Variants in EHMT1 observed in about 807,000 individuals in gnomAD.
EHMT1 encodes histone-lysine N-methyltransferase EHMT1.
EHMT1 carries 15 observed loss-of-function variants against 147.2 expected under a neutral mutation model. The ratio of observed to expected loss-of-function variants is 0.10; its 90% CI spans 0.07 to 0.16. The LOEUF (loss-of-function observed/expected upper bound fraction) is 0.16, where lower values mean the gene tolerates loss of function less well. Ranked by LOEUF, EHMT1 falls within the 10% of genes least tolerant of loss-of-function variation. The probability of loss-of-function intolerance (pLI) is 1.00; values close to 1 mark genes in which losing one functional copy is unlikely to be tolerated. For missense variants in EHMT1, 1,587 were observed against 1,772.4 expected, an observed-to-expected ratio of 0.90 and a Z score of 1.88; for synonymous variants, 795 against 709.6, an observed-to-expected ratio of 1.12 and a Z score of -1.91.
chr9:137,669,345 A>AGCACGTGCACTCACTT (rs1564562465), intron 1 of EHMT1, among the ~76,000 whole-genome samples: 1 of 9,076 alleles, frequency 1.1e-4, no homozygotes, highest in Non-Finnish European at 2.0e-4. Flanking sequence ...TGGACCCCAC[A>AGCACGTGCACTCACTT]CCACCCAAGA....
chr9:137,790,828 C>G lies in EHMT1; in HGVS notation c.2383-20C>G. ...CTACCGTCACAGCCCTCCCATACACCTGAACTGTTGTTTCACTAGGCGGGC... is the reference window on the plus strand; with the variant it reads ...CTACCGTCACAGCCCTCCCATACACGTGAACTGTTGTTTCACTAGGCGGGC... On this transcript the variant is annotated intron_variant, in intron 15 of 26. Transcript: ENST00000460843. The G allele has an allele frequency of 6.2e-7, 1 of 1,614,180 alleles. No individual in the cohort carries two copies. Among genetic ancestry groups the G allele is most frequent in the Non-Finnish European group, 8.5e-7 (1 of 1,180,030 alleles).
chr9:137,782,060 C>T lies in EHMT1; in HGVS notation c.2276-231C>T, dbSNP rs1951600345. ...CAGGGTGGTAAAGGGAAGAGCGTGC[C>T]TTGCCGAGTTAGTTCTGACAGAGGG... is the stretch of plus-strand genomic sequence containing the variant. On this transcript the variant is annotated intron_variant, in intron 14 of 26. Transcript: ENST00000460843. The surrounding 1 kb of genome is among the most constrained non-coding windows in gnomAD (Gnocchi z 5.7). 6.6e-6 allele frequency among the ~76,000 whole-genome samples: 1 copy of T among 152,124 alleles called. No individual in the cohort carries two copies. The highest frequency in any genetic ancestry group is 1.5e-5 in the Non-Finnish European group (1 of 68,016).
rs1220385618 is a variant in EHMT1, at chr9:137,731,843, G to A, written c.823+3314G>A. 1.3e-5 allele frequency among the ~76,000 whole-genome samples: 2 copies of A among 152,220 alleles called. No individual in the cohort carries two copies. Among genetic ancestry groups the A allele is most frequent in the Admixed American group, 1.3e-4 (2 of 15,288 alleles). The stretch of plus-strand genomic sequence containing the variant: ...CCACTGTGCACAGCCAGGCCTGCTT[G>A]GCTGCTGTGGTGGGGCAGGCAGCTC... On this transcript the variant is annotated intron_variant, in intron 4 of 26. Coordinates refer to ENST00000460843, the MANE Select transcript of EHMT1 (RefSeq NM_024757.5). This position sits in a 1 kb window ranked among gnomAD's most constrained non-coding sequence, Gnocchi z 4.3.
chr9:137,796,957 C>A (rs1224526035), intron 16 of EHMT1, among the ~76,000 whole-genome samples: 3 of 152,076 alleles, frequency 2.0e-5, no homozygotes, highest in Admixed American at 6.6e-5. Flanking sequence ...CAAGCAGGGC[C>A]TCACACCAGT....
chr9:137,777,020 T>C (rs1951013268), intron 12 of EHMT1, 176 bp downstream of exon 12: 1 of 672,170 alleles, frequency 1.5e-6, no homozygotes, highest in Non-Finnish European at 2.5e-6. Context: ...CATTTGTGCA[T>C]ACGTTGCTCT....
At chr9:137,778,555 ATCTCCCC>A (rs1298210349) in intron 13 of EHMT1, among the ~76,000 whole-genome samples, 6 of 151,994 alleles carry the variant, frequency 3.9e-5, no homozygotes, top group Non-Finnish European at 5.9e-5. Context: ...TCCTCCCTGG[ATCTCCCC>A]TCTGTCTGCC....
At chr9:137,785,495 G>C (rs1008891453) in intron 15 of EHMT1, 1 of 145,572 alleles carries the variant, frequency 6.9e-6, no homozygotes, top group Admixed American at 6.7e-5. Flanking sequence ...ACTGCTGGCT[G>C]TGGAGGCTTC....
intron 1 of EHMT1, among the ~76,000 whole-genome samples, chr9:137,628,363 A>G (rs192880721): frequency 5.8e-4 from 88 of 152,016 alleles, no homozygotes; most frequent in African/African-American, 2.0e-3. Context: ...TCTTTGATTG[A>G]TTTTTGCTAA....
chr9:137,834,272 A>G, intron 25 of EHMT1, 77 bp from the exon 26 acceptor site: 1 of 1,582,916 alleles, frequency 6.3e-7, no homozygotes, highest in East Asian at 2.3e-5. Flanking sequence ...CGGGACTGCC[A>G]TGCATGGCCG....
rs1313402103 is a variant in EHMT1 at position 137,716,835 on chromosome 9, A to G, written c.295A>G (p.Arg99Gly). The G allele has an allele frequency of 1.9e-6, 3 of 1,613,232 alleles. No homozygotes were observed. Among genetic ancestry groups the G allele is most frequent in the South Asian group, 1.1e-5 (1 of 91,090 alleles). Reference sequence around the variant, plus strand: ...GATAGCGGAAAATGGGGTTTCAGAAAGAGACTCAGAAGCGGCGAAGCAAAA... The same window carrying G: ...GATAGCGGAAAATGGGGTTTCAGAAGGAGACTCAGAAGCGGCGAAGCAAAA... ...TRIAENGVSE[R>G]DSEAAKQNHV... Residue 99 changes from arginine to glycine, a missense_variant, in exon 3 of 27, where the codon AGA becomes GGA. Arg to Gly is a moderately radical substitution (Grantham distance 125). This residue lies in a region of EHMT1 where 810 missense variants were observed against 673.0 expected (regional missense o/e 1.20). Transcript: ENST00000460843.
At chr9:137,707,158 C>A (rs1293243672) in intron 1 of EHMT1, among the ~76,000 whole-genome samples, 1 of 152,224 alleles carries the variant, frequency 6.6e-6, no homozygotes, top group Non-Finnish European at 1.5e-5. Context: ...ACTAATTTGT[C>A]CTTAATCTGG....
chr9:137,705,162 A>T (rs1944159859), intron 1 of EHMT1, among the ~76,000 whole-genome samples: 1 of 151,892 alleles, frequency 6.6e-6, no homozygotes, highest in South Asian at 2.1e-4. Flanking sequence ...GCTAATTTTT[A>T]AAAATTGTTT....
rs1953019238 is a variant in EHMT1, at chr9:137,797,027, TA to T, written c.2506-1781del. ...GTGATCTTGAGAATTTAAAAGGGTG[TA>T]AAAACATCATTTATGGATATATGTA... On this transcript the variant is annotated intron_variant, in intron 16 of 26. Transcript: ENST00000460843. 2.0e-5 allele frequency among the ~76,000 whole-genome samples: 3 copies of T among 152,178 alleles called. No homozygotes were observed. The South Asian group carries it at 6.2e-4, about 32-fold the overall frequency.
chr9:137,629,718 C>T lies in EHMT1; in HGVS notation c.21+10669C>T, dbSNP rs540154551. ...CAGTTTTTTGTATTTTTAGTAGAAACGGGGTTTCACCATGTTAGCCAGGCT... is the reference window on the plus strand; with the variant it reads ...CAGTTTTTTGTATTTTTAGTAGAAATGGGGTTTCACCATGTTAGCCAGGCT... On this transcript the variant is annotated intron_variant, in intron 1 of 26. Coordinates refer to ENST00000460843, the MANE Select transcript of EHMT1 (RefSeq NM_024757.5). Among the ~76,000 whole-genome samples the T allele has an allele frequency of 6.0e-5, 9 of 151,220 alleles. No individual in the cohort carries two copies. The South Asian group carries it at 1.5e-3, about 25-fold the overall frequency.
intron 1 of EHMT1, among the ~76,000 whole-genome samples, chr9:137,676,855 C>A (rs1941397535): frequency 6.6e-6 from 1 of 152,174 alleles, no homozygotes; most frequent in South Asian, 2.1e-4. Flanking sequence ...GATGGGGGTC[C>A]TGTAAGCAGG....
At chr9:137,654,488 A>G (rs1450614409) in intron 1 of EHMT1, among the ~76,000 whole-genome samples, 1 of 151,986 alleles carries the variant, frequency 6.6e-6, no homozygotes, top group Non-Finnish European at 1.5e-5. Context: ...TCCTTAGGCC[A>G]GTATCACAGT....
chr9:137,620,353 G>A (rs1262803954), intron 1 of EHMT1, among the ~76,000 whole-genome samples: 1 of 152,122 alleles, frequency 6.6e-6, no homozygotes, highest in Admixed American at 6.6e-5. Flanking sequence ...TAGATCAGGC[G>A]CCTCCCTCGG....
chr9:137,813,083 A>C lies in EHMT1; in HGVS notation c.2945A>C (p.Asn982Thr), dbSNP rs141891925. 6.2e-7 allele frequency: 1 copy of C among 1,613,718 alleles called. No homozygotes were observed. Among genetic ancestry groups the C allele is most frequent in the Non-Finnish European group, 8.5e-7 (1 of 1,179,984 alleles). Residue 982 changes from asparagine to threonine, a missense_variant, in exon 20 of 27, where the codon AAC becomes ACC. Physicochemically the swap from Asn to Thr is moderately conservative, Grantham distance 65. Transcript: ENST00000460843. This position sits in a 1 kb window ranked among gnomAD's most constrained non-coding sequence, Gnocchi z 4.9. ...GETPLQCASL[N>T]SQVWSALQMS... ...ACGCCCCTGCAGTGTGCGAGCCTCA[A>C]CTCTCAGGTGTGGAGCGCTCTGCAG... is the stretch of plus-strand genomic sequence containing the variant.
In EHMT1 at chr9:137,782,930, G is replaced by A. The variant is rs571643536; in HGVS notation, c.2382+533G>A. On this transcript the variant is annotated intron_variant, in intron 15 of 26. Coordinates refer to ENST00000460843, the MANE Select transcript of EHMT1 (RefSeq NM_024757.5). This position sits in a 1 kb window ranked among gnomAD's most constrained non-coding sequence, Gnocchi z 5.7. Reference sequence around the variant, plus strand: ...TTGTCTCTGGGTTCAGACACACGACGCTGTTTGTCCCCCTGTGACGCCCCT... The same window carrying A: ...TTGTCTCTGGGTTCAGACACACGACACTGTTTGTCCCCCTGTGACGCCCCT... Among the ~76,000 whole-genome samples, 6 of 152,308 alleles carry A rather than the reference G, an allele frequency of 3.9e-5. No individual in the cohort carries two copies. The highest frequency in any genetic ancestry group is 1.4e-4 in the African/African-American group (6 of 41,554).
Sources: gnomAD v4.1 joint callset for allele counts (sites outside exome capture counted in the v4.1 genomes callset) on GRCh38, gnomAD v4.1.1 for gene constraint, gnomAD v4.1.1 regional missense constraint, Gnocchi (gnomAD v3.1) non-coding constraint, MANE v1.5 for transcripts, NCBI Gene and HGNC (gene_info 2026-07-23, HGNC 2026-07-21) for gene names.